Variants in GPC5 observed in about 807,000 individuals in gnomAD.
The protein encoded by GPC5 is glypican 5, also known as glypican-5.
Under a neutral mutation model 53.9 loss-of-function variants are expected in GPC5, and 47 were observed. That is an observed-to-expected ratio of 0.87 (90% confidence interval 0.69 to 1.11). The LOEUF (loss-of-function observed/expected upper bound fraction) is 1.11. Among genes scored for constraint, GPC5 ranks in the 50% most tolerant of loss-of-function variants. The pLI, the probability that GPC5 is intolerant of heterozygous loss-of-function variation, is 0.00. For missense variants in GPC5, 748 were observed against 713.1 expected, an observed-to-expected ratio of 1.05 and a Z score of -0.56; for synonymous variants, 286 against 263.3, an observed-to-expected ratio of 1.09 and a Z score of -0.84.
rs1295019449 is a variant in GPC5, at chr13:91,429,711, G to T, written c.164-19050G>T. 4.6e-5 allele frequency among the ~76,000 whole-genome samples: 7 copies of T among 152,156 alleles called. No individual in the cohort carries two copies. The South Asian group carries it at 8.3e-4, about 18-fold the overall frequency. ...GTGTGAGACAGAGAAAAGGTCAGTG[G>T]CTCTCAATATTCATTATGCAAAACA... On this transcript the variant is annotated intron_variant, in intron 1 of 7. Coordinates refer to ENST00000377067, the MANE Select transcript of GPC5 (RefSeq NM_004466.6).
chr13:92,347,593 C>G (rs1209019577), intron 7 of GPC5, among the ~76,000 whole-genome samples: 1 of 151,200 alleles, frequency 6.6e-6, no homozygotes, highest in Non-Finnish European at 1.5e-5. Flanking sequence ...ACATATGAAA[C>G]TACAAAGCTC....
At chr13:92,191,143 G>A (rs535186896) in intron 7 of GPC5, among the ~76,000 whole-genome samples, 1 of 152,044 alleles carries the variant, frequency 6.6e-6, no homozygotes, top group Admixed American at 6.6e-5. Flanking sequence ...TAGTGATAAA[G>A]GGTCAATACT....
intron 7 of GPC5, among the ~76,000 whole-genome samples, chr13:92,217,592 G>T (rs566877422): frequency 1.3e-5 from 2 of 152,306 alleles, no homozygotes; most frequent in South Asian, 4.1e-4. Context: ...CGTATTCAGA[G>T]TGGAGCCCCG....
chr13:92,765,151 AG>A (rs1451929883), intron 7 of GPC5, among the ~76,000 whole-genome samples: 1 of 152,196 alleles, frequency 6.6e-6, no homozygotes, highest in Non-Finnish European at 1.5e-5. Flanking sequence ...AGTGTAGAAT[AG>A]CCTCATTAGA....
At chr13:92,841,012 C>A (rs1878411857) in intron 7 of GPC5, among the ~76,000 whole-genome samples, 2 of 152,038 alleles carry the variant, frequency 1.3e-5, no homozygotes, top group Non-Finnish European at 2.9e-5. Flanking sequence ...TGTGTGGTAT[C>A]TTTAGGGCTT....
chr13:92,411,676 T>C (rs957219409), intron 7 of GPC5, among the ~76,000 whole-genome samples: 3 of 152,218 alleles, frequency 2.0e-5, no homozygotes, highest in African/African-American at 7.2e-5. Context: ...CTAAGGTTAA[T>C]GTTTTTTCAG....
intron 2 of GPC5, among the ~76,000 whole-genome samples, chr13:91,466,830 A>G (rs953600650): frequency 6.6e-6 from 1 of 152,162 alleles, no homozygotes; most frequent in East Asian, 1.9e-4. Flanking sequence ...CTTAGTTTTA[A>G]CGAAGTTCTT....
At chr13:92,594,210 G>A (rs1883799124) in intron 7 of GPC5, among the ~76,000 whole-genome samples, 1 of 152,076 alleles carries the variant, frequency 6.6e-6, no homozygotes, top group Admixed American at 6.6e-5. Context: ...GTGTGAAATG[G>A]AACTAAAAAC....
At chr13:92,296,575 G>T (rs1406459844) in intron 7 of GPC5, among the ~76,000 whole-genome samples, 1 of 152,120 alleles carries the variant, frequency 6.6e-6, no homozygotes, top group Non-Finnish European at 1.5e-5. Flanking sequence ...CATTTGAGGA[G>T]CCCTTCAGCC....
chr13:91,920,724 T>C (rs1471226726), intron 6 of GPC5, among the ~76,000 whole-genome samples: 1 of 152,162 alleles, frequency 6.6e-6, no homozygotes, highest in Non-Finnish European at 1.5e-5. Flanking sequence ...ATCAGATTTG[T>C]AGCTGTATCT....
intron 6 of GPC5, among the ~76,000 whole-genome samples, chr13:92,094,540 A>G (rs2041406444): frequency 6.6e-6 from 1 of 151,000 alleles, no homozygotes; most frequent in African/African-American, 2.4e-5. Flanking sequence ...AAAAAAAAAA[A>G]AAAAATAGTC....
At chr13:92,289,118 A>T (rs2042976743) in intron 7 of GPC5, among the ~76,000 whole-genome samples, 1 of 151,960 alleles carries the variant, frequency 6.6e-6, no homozygotes, top group Non-Finnish European at 1.5e-5. Context: ...TAAGAGTAGG[A>T]GTATTCAAGG....
chr13:92,227,941 ATATGTAT>A (rs2042500617), intron 7 of GPC5, among the ~76,000 whole-genome samples: 1 of 152,162 alleles, frequency 6.6e-6, no homozygotes, highest in Admixed American at 6.5e-5. Flanking sequence ...TTTGTGTGTC[ATATGTAT>A]TATGTATTGT....
chr13:91,409,745 C>T (rs1018213875), intron 1 of GPC5, among the ~76,000 whole-genome samples: 1 of 151,912 alleles, frequency 6.6e-6, no homozygotes, highest in Non-Finnish European at 1.5e-5. Flanking sequence ...GGAACATGTG[C>T]AGGTTTGTTA....
intron 7 of GPC5, among the ~76,000 whole-genome samples, chr13:92,831,630 T>G (rs1878047556): frequency 1.3e-5 from 2 of 152,150 alleles, no homozygotes; most frequent in African/African-American, 2.4e-5. Context: ...ACAAAAAGCA[T>G]TAGCTCAAGC....
At chr13:92,590,805 C>T (rs1009019412) in intron 7 of GPC5, among the ~76,000 whole-genome samples, 3 of 152,156 alleles carry the variant, frequency 2.0e-5, no homozygotes, top group African/African-American at 7.2e-5. Flanking sequence ...TTCCATTTGT[C>T]AAGATCTGCT....
chr13:91,402,254 A>G (rs770464693), intron 1 of GPC5, among the ~76,000 whole-genome samples: 1 of 152,244 alleles, frequency 6.6e-6, no homozygotes. Context: ...CTCGATATCA[A>G]GTAGTCTGTG....
At chr13:91,573,329 G>A (rs1419899559) in intron 2 of GPC5, among the ~76,000 whole-genome samples, 2 of 152,160 alleles carry the variant, frequency 1.3e-5, no homozygotes, top group African/African-American at 4.8e-5. Flanking sequence ...CTACTTTTAA[G>A]TGTTTTAGTA....
chr13:92,705,047 T>A (rs188642120), intron 7 of GPC5, among the ~76,000 whole-genome samples: 12 of 152,046 alleles, frequency 7.9e-5, no homozygotes, highest in South Asian at 2.1e-4. Context: ...ATGGATGTAC[T>A]AGAATTAATA....
Sources: gnomAD v4.1 joint callset for allele counts (sites outside exome capture counted in the v4.1 genomes callset) on GRCh38, gnomAD v4.1.1 for gene constraint, MANE v1.5 for transcripts, NCBI Gene and HGNC (gene_info 2026-07-23, HGNC 2026-07-21) for gene names.